The following TPH2 variants were observed in gnomAD, a reference collection of about 807,000 sequenced individuals.
The protein encoded by TPH2 is tryptophan 5-hydroxylase 2.
In TPH2, 27 loss-of-function variants were observed where a neutral mutation model predicts 59.1. That is an observed-to-expected ratio of 0.46 (90% CI 0.34 to 0.63). The LOEUF is 0.63. Ranked by LOEUF, TPH2 falls within the 30% of genes least tolerant of loss-of-function variation. The pLI, the probability that TPH2 is intolerant of heterozygous loss-of-function variation, is 0.01. For missense variants in TPH2, 523 were observed against 588.3 expected (o/e 0.89, Z 1.15); for synonymous variants, 220 against 210.5 (o/e 1.05, Z -0.39).
chr12:72,009,361 T>G (rs1161341443), intron 8 of TPH2, among the ~76,000 whole-genome samples: 1 of 152,162 alleles, frequency 6.6e-6, no homozygotes, highest in Non-Finnish European at 1.5e-5. Context: ...ACACTAGAAA[T>G]ATTTCAAGTC....
chr12:72,012,193 A>G (rs1251025691), intron 8 of TPH2, among the ~76,000 whole-genome samples: 2 of 152,056 alleles, frequency 1.3e-5, no homozygotes, highest in African/African-American at 2.4e-5. Context: ...CAACAACAAC[A>G]ACAATAACAA....
chr12:71,966,959 T>TA (rs1309213981), intron 5 of TPH2, among the ~76,000 whole-genome samples: 8 of 151,856 alleles, frequency 5.3e-5, no homozygotes, highest in Non-Finnish European at 1.0e-4. Context: ...TTCCCCTAAT[T>TA]AAAAAAAATG....
intron 7 of TPH2, among the ~76,000 whole-genome samples, chr12:71,985,000 T>C (rs1165081066): frequency 2.0e-5 from 3 of 152,356 alleles, no homozygotes; most frequent in South Asian, 4.1e-4. Context: ...AATACGTTTA[T>C]TATGAATAGC....
At chr12:71,970,794 T>A (rs1871950914) in intron 5 of TPH2, among the ~76,000 whole-genome samples, 1 of 152,248 alleles carries the variant, frequency 6.6e-6, no homozygotes, top group Non-Finnish European at 1.5e-5. Context: ...TTTTATTTGT[T>A]ATCAACAGCC....
intron 7 of TPH2, among the ~76,000 whole-genome samples, chr12:71,985,024 A>C (rs1157896432): frequency 6.6e-6 from 1 of 152,236 alleles, no homozygotes; most frequent in East Asian, 1.9e-4. Context: ...CATGTCTACT[A>C]TATATCAACT....
rs116209779 is a variant in TPH2, at chr12:71,999,823, T to C, written c.1068+5258T>C. Reference sequence around the variant, plus strand: ...CAAGGCTCTCAATTCTCTGTCCTTATATCTAAAATTAAATTCTACCTTAGA... The same window carrying C: ...CAAGGCTCTCAATTCTCTGTCCTTACATCTAAAATTAAATTCTACCTTAGA... On this transcript the variant is annotated intron_variant, in intron 8 of 10. Transcript: ENST00000333850. Among the ~76,000 whole-genome samples the C allele has an allele frequency of 7.9e-3, 1,199 of 152,336 alleles. 16 individuals carry two copies. Among genetic ancestry groups the C allele is most frequent in the African/African-American group, 0.028 (1,152 of 41,572 alleles).
chr12:71,962,816 T>A (rs1238592347), intron 5 of TPH2: 1 of 278,914 alleles, frequency 3.6e-6, no homozygotes, highest in Non-Finnish European at 5.4e-6. Context: ...CCTCCTGGGT[T>A]CAAGCGATTC....
chr12:71,994,876 G>A (rs1872657547), intron 8 of TPH2, among the ~76,000 whole-genome samples: 1 of 152,198 alleles, frequency 6.6e-6, no homozygotes, highest in South Asian at 2.1e-4. Context: ...TATGAAAGCA[G>A]CCACAGACAA....
At chr12:72,005,697 A>G (rs1006318344) in intron 8 of TPH2, among the ~76,000 whole-genome samples, 1 of 152,216 alleles carries the variant, frequency 6.6e-6, no homozygotes, top group Non-Finnish European at 1.5e-5. Context: ...GTAACTTTCA[A>G]TCAACTAAGT....
chr12:71,968,168 T>C (rs1207109787), intron 5 of TPH2, among the ~76,000 whole-genome samples: 1 of 152,142 alleles, frequency 6.6e-6, no homozygotes, highest in African/African-American at 2.4e-5. Context: ...TCTGCTGAAA[T>C]GGTGTTAGGC....
At chr12:71,959,713 A>C (rs535386992) in intron 5 of TPH2, among the ~76,000 whole-genome samples, 1 of 152,284 alleles carries the variant, frequency 6.6e-6, no homozygotes, top group Admixed American at 6.5e-5. Context: ...AGATAGGCGA[A>C]TCTTAATTGG....
chr12:71,956,063 C>T (rs570297732), intron 5 of TPH2, among the ~76,000 whole-genome samples: 1 of 152,294 alleles, frequency 6.6e-6, no homozygotes, highest in South Asian at 2.1e-4. Flanking sequence ...GCCAGAGGAC[C>T]TGCTTCCAAT....
At chr12:71,966,609 T>C (rs1871825659) in intron 5 of TPH2, among the ~76,000 whole-genome samples, 1 of 152,236 alleles carries the variant, frequency 6.6e-6, no homozygotes, top group African/African-American at 2.4e-5. Flanking sequence ...AATAAAATAG[T>C]AAATGAGTTC....
chr12:71,954,573 G>A (rs2632289), intron 5 of TPH2, among the ~76,000 whole-genome samples: 4 of 152,172 alleles, frequency 2.6e-5, no homozygotes, highest in Admixed American at 2.6e-4. Context: ...GTGGGGGGCA[G>A]ATAGCCTGTG....
intron 6 of TPH2, among the ~76,000 whole-genome samples, chr12:71,972,969 G>GC (rs1872016726): frequency 6.6e-6 from 1 of 152,174 alleles, no homozygotes; most frequent in South Asian, 2.1e-4. Flanking sequence ...AAGGATATTT[G>GC]CAAGTTCAGC....
chr12:72,032,069 G>A lies in TPH2; in HGVS notation c.*374G>A. The A allele has an allele frequency of 1.3e-5, 3 of 228,256 alleles. No individual in the cohort carries two copies. Among genetic ancestry groups the A allele is most frequent in the Non-Finnish European group, 2.6e-5 (3 of 113,226 alleles). The allele number at this position is 228,256 out of a possible 1,614,324, so 14.1% of individuals were successfully genotyped here. A position where few individuals can be genotyped will look rare whatever the true frequency, so the allele number is the denominator to read the frequency against. On this transcript the variant is annotated 3_prime_UTR_variant, in exon 11 of 11. Transcript: ENST00000333850. ...TTCCTCTGTGTTCATTAGATAAAAT[G>A]AAAAAAAGCAGTGAAGCTGTTTCCA...
chr12:72,024,071 C>G (rs932200785), intron 9 of TPH2, among the ~76,000 whole-genome samples: 1 of 152,208 alleles, frequency 6.6e-6, no homozygotes, highest in Non-Finnish European at 1.5e-5. Flanking sequence ...GAGCTCCTAA[C>G]CACTAGGCTG....
At chr12:71,969,975 A>C (rs1158570162) in intron 5 of TPH2, among the ~76,000 whole-genome samples, 4 of 152,198 alleles carry the variant, frequency 2.6e-5, no homozygotes, top group African/African-American at 7.2e-5. Context: ...ACTTAACCTT[A>C]AACATATGCC....
intron 5 of TPH2, chr12:71,961,624 C>T: frequency 4.4e-6 from 6 of 1,352,088 alleles, no homozygotes; most frequent in Non-Finnish European, 5.9e-6. Context: ...TCTTTGAGCT[C>T]AAGCTCCTTG....
Sources: allele counts gnomAD v4.1 joint callset (sites outside exome capture counted in the v4.1 genomes callset), GRCh38; gene constraint gnomAD v4.1.1; transcripts MANE v1.5; gene names NCBI Gene and HGNC (gene_info 2026-07-23, HGNC 2026-07-21).